Variants in HMCN1 observed in about 807,000 individuals in gnomAD.
HMCN1 encodes hemicentin-1.
Under a neutral mutation model 625.9 loss-of-function variants are expected in HMCN1, and 321 were observed. The ratio of observed to expected loss-of-function variants is 0.51; its 90% CI spans 0.47 to 0.56. The LOEUF is 0.56. HMCN1 is among the 20% of genes least tolerant of loss of function. The pLI is 0.00. For synonymous variants in HMCN1, 2,425 were observed against 2,417.6 expected, an observed-to-expected ratio of 1.00 and a Z score of -0.09; for missense variants, 6,588 against 6,887.3, an observed-to-expected ratio of 0.96 and a Z score of 1.54.
chr1:186,136,063 C>A (rs1649582832), intron 86 of HMCN1, among the ~76,000 whole-genome samples: 1 of 152,088 alleles, frequency 6.6e-6, no homozygotes, highest in Non-Finnish European at 1.5e-5. Context: ...GTAATCCCAG[C>A]TACTCAGGAG....
At chr1:185,795,220 C>T (rs941141049) in intron 1 of HMCN1, among the ~76,000 whole-genome samples, 3 of 152,178 alleles carry the variant, frequency 2.0e-5, no homozygotes, top group Admixed American at 1.3e-4. Context: ...CACTAGCTGA[C>T]GGAAGCTATA....
At position 186,178,308 on chromosome 1, in the gene HMCN1, G is replaced by A. The variant is rs181815730; in HGVS notation, c.15944-108G>A. 1.5e-4 allele frequency: 120 copies of A among 818,736 alleles called. 1 individual carries two copies. In the East Asian group the frequency reaches 2.9e-3, roughly 19 times the overall value. 50.7% of individuals were successfully genotyped at this position (818,736 alleles called of 1,614,324 possible). A position where few individuals can be genotyped will look rare whatever the true frequency, so the allele number is the denominator to read the frequency against. On this transcript the variant is annotated intron_variant, in intron 103 of 106. Transcript: ENST00000271588. ...AATTACTGTATGCCTGGCTTTGGAG[G>A]GTAACAATGTCTTCAGTTTGTTTCA... is the stretch of plus-strand genomic sequence containing the variant.
At chr1:185,870,251 A>T (rs916729993) in intron 4 of HMCN1, among the ~76,000 whole-genome samples, 1 of 152,168 alleles carries the variant, frequency 6.6e-6, no homozygotes, top group African/African-American at 2.4e-5. Flanking sequence ...TTGCAGTATT[A>T]TTCCATTATT....
chr1:185,802,658 C>T (rs6690714), intron 1 of HMCN1, among the ~76,000 whole-genome samples: 13,874 of 152,094 alleles, frequency 0.091, 2,044 homozygotes, highest in African/African-American at 0.31. Context: ...TGTTGAGAGA[C>T]CATGTGAGAT....
At chr1:186,041,203 A>G in intron 40 of HMCN1, 67 bp downstream of exon 40, 1 of 1,334,264 alleles carries the variant, frequency 7.5e-7, no homozygotes. Context: ...TCATTGAGAA[A>G]GTTAAGGGAA....
chr1:185,746,883 A>G (rs1654441467), intron 1 of HMCN1, among the ~76,000 whole-genome samples: 2 of 152,044 alleles, frequency 1.3e-5, no homozygotes, highest in Non-Finnish European at 2.9e-5. Context: ...TTGGGATTAC[A>G]GGTGTGAGCC....
intron 1 of HMCN1, among the ~76,000 whole-genome samples, chr1:185,737,257 C>A (rs1254328201): frequency 6.6e-6 from 1 of 151,934 alleles, no homozygotes; most frequent in African/African-American, 2.4e-5. Context: ...TAGGCTCAAG[C>A]AGTCCTCTCA....
At chr1:185,760,768 A>T (rs1465817046) in intron 1 of HMCN1, among the ~76,000 whole-genome samples, 1 of 152,226 alleles carries the variant, frequency 6.6e-6, no homozygotes, top group Non-Finnish European at 1.5e-5. Context: ...TTGAACAATT[A>T]GTATGCATCA....
chr1:186,129,835 C>G lies in HMCN1; in HGVS notation c.12905-131C>G, dbSNP rs1308318185. 25 of 1,074,032 alleles carry G rather than the reference C, an allele frequency of 2.3e-5. No homozygotes were observed. The East Asian group carries it at 3.9e-4, about 17-fold the overall frequency. The allele number at this position is 1,074,032 out of a possible 1,614,324, so 66.5% of individuals were successfully genotyped here. A position where few individuals can be genotyped will look rare whatever the true frequency, so the allele number is the denominator to read the frequency against. ...CAGATGAAGAAATGTGGAAAAGGCT[C>G]TCTTCTCCAATGTCATCTCTTTGGT... On this transcript the variant is annotated intron_variant, in intron 83 of 106. Coordinates refer to ENST00000271588, the MANE Select transcript of HMCN1 (RefSeq NM_031935.3).
At chr1:186,131,127 G>T (rs1381860700) in intron 85 of HMCN1, among the ~76,000 whole-genome samples, 4 of 152,148 alleles carry the variant, frequency 2.6e-5, no homozygotes, top group African/African-American at 9.7e-5. Flanking sequence ...TTACCCCAAA[G>T]TGAAATATTT....
chr1:186,053,973 T>G lies in HMCN1; in HGVS notation c.6849T>G (p.Asn2283Lys). 1.2e-6 allele frequency: 2 copies of G among 1,612,420 alleles called. No homozygotes were observed. Among genetic ancestry groups the G allele is most frequent in the Non-Finnish European group, 1.7e-6 (2 of 1,179,072 alleles). Residue 2283 changes from asparagine to lysine, a missense_variant, in exon 44 of 107, where the codon AAT becomes AAG. Around this residue, in one of 3 missense-constraint regions of HMCN1, gnomAD observed 4,628 missense variants for 4,853.1 expected, o/e 0.95. Coordinates refer to ENST00000271588, the MANE Select transcript of HMCN1 (RefSeq NM_031935.3). ...CTGGGACTGCAAAGAAAGAATACAA[T>G]CTGCAAGTTTACAGTAAGTTGTTGA... ...NVAGTAKKEY[N>K]LQVYIRPTIT...
At position 186,163,652 on chromosome 1, in the gene HMCN1, T is replaced by C. The variant is rs77460535; in HGVS notation, c.15257-1459T>C. 5.8e-3 allele frequency among the ~76,000 whole-genome samples: 885 copies of C among 152,350 alleles called. 11 individuals are homozygous for C. Among genetic ancestry groups the C allele is most frequent in the African/African-American group, 0.02 (821 of 41,566 alleles). ...TTGCATTCCTAGAAAATTCACTATA[T>C]ATTTAAATCATGAAAAATGCTTAAT... On this transcript the variant is annotated intron_variant, in intron 97 of 106. Transcript: ENST00000271588.
intron 4 of HMCN1, among the ~76,000 whole-genome samples, chr1:185,884,718 A>G (rs1664524127): frequency 6.6e-6 from 1 of 152,044 alleles, no homozygotes. Flanking sequence ...CCTGTTTGGG[A>G]AAGGTGATCA....
intron 69 of HMCN1, among the ~76,000 whole-genome samples, chr1:186,104,379 C>CA (rs564195988): frequency 7.9e-5 from 12 of 152,040 alleles, no homozygotes; most frequent in Admixed American, 6.5e-4. Flanking sequence ...TAAATGCTTT[C>CA]AAAAAAAGAC....
intron 48 of HMCN1, among the ~76,000 whole-genome samples, chr1:186,064,220 C>T (rs1364905249): frequency 6.6e-6 from 1 of 152,052 alleles, no homozygotes; most frequent in Admixed American, 6.6e-5. Context: ...CATCCTAGCC[C>T]TCTTTCCTAA....
chr1:185,844,084 A>G (rs74889155), intron 1 of HMCN1, among the ~76,000 whole-genome samples: 4,179 of 152,248 alleles, frequency 0.027, 170 homozygotes, highest in African/African-American at 0.09. Context: ...AGTATTATGC[A>G]ATGTGGGAAC....
Position 186,074,835 on chromosome 1 carries a change from G to C in HMCN1, c.8234G>C (p.Cys2745Ser). The part of the protein sequence containing the change: ...AQISDTGRYT[C>S]VASNIAGEDE... ...ATATCAGACACCGGACGATATACTT[G>C]TGTAGCATCTAACATTGCAGGTGAA... Residue 2745 changes from cysteine (C) to serine (S), a missense_variant, in exon 53 of 107, where the codon TGT (cysteine) becomes TCT (serine). Coordinates refer to ENST00000271588, the MANE Select transcript of HMCN1 (RefSeq NM_031935.3). 6.2e-7 allele frequency: 1 copy of C among 1,613,098 alleles called. No individual in the cohort carries two copies. The highest frequency in any genetic ancestry group is 8.5e-7 in the Non-Finnish European group (1 of 1,179,338).
chr1:185,990,581 T>C, intron 22 of HMCN1, 138 bp downstream of exon 22: 1 of 733,048 alleles, frequency 1.4e-6, no homozygotes. Context: ...CATCTGAGTC[T>C]ACAGGAAGTA....
chr1:185,848,203 T>A (rs889827782), intron 2 of HMCN1, among the ~76,000 whole-genome samples: 9 of 151,596 alleles, frequency 5.9e-5, no homozygotes, highest in Non-Finnish European at 1.3e-4. Flanking sequence ...CACTCTTCAA[T>A]CTATTTCAAT....
Sources: allele counts gnomAD v4.1 joint callset (sites outside exome capture counted in the v4.1 genomes callset), GRCh38; gene constraint gnomAD v4.1.1; regional missense constraint gnomAD v4.1.1; transcripts MANE v1.5; gene names NCBI Gene and HGNC (gene_info 2026-07-23, HGNC 2026-07-21).